Variants in TBC1D4 observed in about 807,000 individuals in gnomAD.
TBC1D4 encodes the protein TBC1 domain family member 4.
In TBC1D4, 121 loss-of-function variants were observed where a neutral mutation model predicts 142.5. The ratio of observed to expected loss-of-function variants is 0.85; its 90% CI spans 0.73 to 0.99. TBC1D4 has a LOEUF of 0.99. Among genes scored for constraint, TBC1D4 ranks in the 50% least tolerant of loss-of-function variants. The pLI is 0.00. For synonymous variants in TBC1D4, 630 were observed against 628.2 expected, an observed-to-expected ratio of 1.00 and a Z score of -0.04; for missense variants, 1,475 against 1,606.6, an observed-to-expected ratio of 0.92 and a Z score of 1.40.
At chr13:75,380,008 C>A (rs531391788) in intron 1 of TBC1D4, among the ~76,000 whole-genome samples, 1 of 146,486 alleles carries the variant, frequency 6.8e-6, no homozygotes, top group Non-Finnish European at 1.5e-5. Flanking sequence ...CAGATTCAAG[C>A]GATTCTCATG....
At chr13:75,448,245 C>T (rs17064475) in intron 1 of TBC1D4, among the ~76,000 whole-genome samples, 9,373 of 152,154 alleles carry the variant, frequency 0.062, 373 homozygotes, top group African/African-American at 0.11. Flanking sequence ...ACAGAGGTCT[C>T]TTTCTTTCAA....
intron 1 of TBC1D4, among the ~76,000 whole-genome samples, chr13:75,376,244 T>A (rs1459986571): frequency 6.6e-6 from 1 of 152,192 alleles, no homozygotes; most frequent in African/African-American, 2.4e-5. Context: ...CTTCAAAGAC[T>A]GTCACAGGAC....
In TBC1D4 at chr13:75,327,766, G is replaced by A. The variant is rs894953068; in HGVS notation, c.1792C>T (p.Leu598Phe). The A allele has an allele frequency of 1.3e-5, 21 of 1,613,856 alleles. No homozygotes were observed. The East Asian group carries it at 2.2e-4, about 17-fold the overall frequency. The change falls in exon 9 of 21, where the codon CTT becomes TTT. Residue 598 changes from leucine to phenylalanine, a missense_variant. Physicochemically the swap from Leu to Phe is conservative, Grantham distance 22 (BLOSUM62 0). Coordinates refer to ENST00000377636, the MANE Select transcript of TBC1D4 (RefSeq NM_014832.5). Reference sequence around the variant, plus strand: ...TAGTTAGATACCTTCTCTGAAGCAAGACTGTTGGACCGTTCAAAACTGTCC... The same window carrying A: ...TAGTTAGATACCTTCTCTGAAGCAAAACTGTTGGACCGTTCAAAACTGTCC... ...SVDSFERSNS[L>F]ASEKDYSPGD...
chr13:75,376,522 C>T (rs1403444361), intron 1 of TBC1D4, among the ~76,000 whole-genome samples: 1 of 152,092 alleles, frequency 6.6e-6, no homozygotes, highest in African/African-American at 2.4e-5. Flanking sequence ...GAATTACAGG[C>T]ATGTGCCACC....
At chr13:75,339,741 A>ATT (rs35974788) in intron 7 of TBC1D4, among the ~76,000 whole-genome samples, 1 of 151,492 alleles carries the variant, frequency 6.6e-6, no homozygotes, top group South Asian at 2.1e-4. Flanking sequence ...ACACCGGCTA[A>ATT]TTGTTTTTGT....
intron 1 of TBC1D4, among the ~76,000 whole-genome samples, chr13:75,387,432 T>C (rs1486955725): frequency 6.6e-6 from 1 of 152,230 alleles, no homozygotes; most frequent in Non-Finnish European, 1.5e-5. Context: ...TTCTGTCCCA[T>C]TGAAATCCAC....
At chr13:75,301,644 CAAAA>C (rs35184321) in intron 16 of TBC1D4, among the ~76,000 whole-genome samples, 1 of 124,104 alleles carries the variant, frequency 8.1e-6, no homozygotes, top group African/African-American at 2.9e-5. Context: ...GACTCCATCT[CAAAA>C]AAAAAAAAAA....
At chr13:75,426,394 G>A (rs1399555163) in intron 1 of TBC1D4, among the ~76,000 whole-genome samples, 1 of 152,184 alleles carries the variant, frequency 6.6e-6, no homozygotes, top group Non-Finnish European at 1.5e-5. Context: ...TTACTAAGTG[G>A]CTTCACAGAA....
chr13:75,413,238 T>C (rs560430639), intron 1 of TBC1D4, among the ~76,000 whole-genome samples: 23 of 152,228 alleles, frequency 1.5e-4, no homozygotes, highest in African/African-American at 5.3e-4. Context: ...CTCGGCTCAC[T>C]GCAACCTCCG....
chr13:75,357,389 C>T (rs1244802968), intron 3 of TBC1D4, among the ~76,000 whole-genome samples: 1 of 152,144 alleles, frequency 6.6e-6, no homozygotes, highest in African/African-American at 2.4e-5. Flanking sequence ...TACCAGCCCC[C>T]CATATGACCT....
At chr13:75,472,823 G>A (rs2138333052) in intron 1 of TBC1D4, among the ~76,000 whole-genome samples, 1 of 152,260 alleles carries the variant, frequency 6.6e-6, no homozygotes, top group South Asian at 2.1e-4. Flanking sequence ...CTGGAAATCT[G>A]GGAGCAATAA....
chr13:75,438,473 A>AG (rs1311469721), intron 1 of TBC1D4, among the ~76,000 whole-genome samples: 1 of 152,202 alleles, frequency 6.6e-6, no homozygotes, highest in Non-Finnish European at 1.5e-5. Context: ...GTGTATAAAA[A>AG]GGGGCAAATC....
In TBC1D4 at chr13:75,309,980, A is replaced by C. The variant is rs766458392; in HGVS notation, c.2555T>G (p.Leu852Trp). 2.5e-6 allele frequency: 4 copies of C among 1,614,024 alleles called. No homozygotes were observed. In the African/African-American group the frequency reaches 5.3e-5, roughly 22 times the overall value. ...GTTTTCTTTTTCCATTCGAAGTAAC[A>C]AGATTTGTTGGTGTATAGCTTTTCT... is the stretch of plus-strand genomic sequence containing the variant. ...LWRKAIHQQI[L>W]LLRMEKENQK... The change falls in exon 14 of 21, where the codon TTG (leucine) becomes TGG (tryptophan). Residue 852 changes from leucine to tryptophan, a missense_variant. Around this residue, in one of 2 missense-constraint regions of TBC1D4, gnomAD observed 1,227 missense variants for 1,267.7 expected, o/e 0.97. Transcript: ENST00000377636.
chr13:75,419,156 T>A (rs1191632006), intron 1 of TBC1D4, among the ~76,000 whole-genome samples: 1 of 152,258 alleles, frequency 6.6e-6, no homozygotes, highest in East Asian at 1.9e-4. Flanking sequence ...TTAGCCACTT[T>A]GCTGTAACCA....
rs760223978 is a variant in TBC1D4 at position 75,362,006 on chromosome 13, C to T, written c.1080+20G>A. The T allele has an allele frequency of 5.6e-6, 9 of 1,613,998 alleles. No homozygotes were observed. The South Asian group carries it at 8.8e-5, about 16-fold the overall frequency. ...TGGCACCTTTTGGGGCAAGGGCAGA[C>T]AGCGTCCGATCAGGTGTACCTGGAA... is the stretch of plus-strand genomic sequence containing the variant. On this transcript the variant is annotated intron_variant, in intron 2 of 20. Transcript: ENST00000377636. This position sits in a 1 kb window ranked among gnomAD's most constrained non-coding sequence, Gnocchi z 4.2.
At chr13:75,415,704 G>A (rs1284688226) in intron 1 of TBC1D4, among the ~76,000 whole-genome samples, 1 of 152,020 alleles carries the variant, frequency 6.6e-6, no homozygotes, top group Non-Finnish European at 1.5e-5. Flanking sequence ...TCTTGAAATC[G>A]GAGACATAAA....
chr13:75,287,065 A>G, intron 20 of TBC1D4, 40 bp from the exon 21 acceptor site: 3 of 1,536,558 alleles, frequency 2.0e-6, no homozygotes, highest in Non-Finnish European at 2.7e-6. Context: ...CAAATGATTC[A>G]TTATAGTAGG....
chr13:75,409,732 G>A (rs1885515985), intron 1 of TBC1D4, among the ~76,000 whole-genome samples: 1 of 152,184 alleles, frequency 6.6e-6, no homozygotes, highest in South Asian at 2.1e-4. Context: ...GGCTTTCAAG[G>A]AGGCAATAAA....
At chr13:75,360,135 T>C (rs916531744) in intron 2 of TBC1D4, among the ~76,000 whole-genome samples, 40 of 152,200 alleles carry the variant, frequency 2.6e-4, no homozygotes, top group Non-Finnish European at 5.6e-4. Flanking sequence ...CAACTGTCTT[T>C]TTAAAAAATA....
Sources: allele counts gnomAD v4.1 joint callset (sites outside exome capture counted in the v4.1 genomes callset), GRCh38; gene constraint gnomAD v4.1.1; regional missense constraint gnomAD v4.1.1; non-coding constraint Gnocchi (gnomAD v3.1); transcripts MANE v1.5; gene names NCBI Gene and HGNC (gene_info 2026-07-23, HGNC 2026-07-21).